The following LMTK3 variants were observed in gnomAD, a reference collection of about 807,000 sequenced individuals.
LMTK3 encodes lemur tail kinase 3.
LMTK3 carries 27 observed loss-of-function variants against 116.7 expected under a neutral mutation model. That is an observed-to-expected ratio of 0.23 (90% CI 0.17 to 0.32). The LOEUF is 0.32. Among genes scored for constraint, LMTK3 ranks in the 10% least tolerant of loss-of-function variants. LMTK3 has a pLI of 1.00. For synonymous variants in LMTK3, 965 were observed against 971.0 expected (o/e 0.99, Z 0.11); for missense variants, 1,764 against 2,068.5 (o/e 0.85, Z 2.86).
At chr19:48,493,560 G>A in intron 12 of LMTK3, 134 bp downstream of exon 12, 2 of 385,484 alleles carry the variant, frequency 5.2e-6, no homozygotes, top group Non-Finnish European at 6.5e-6. Context: ...TTCAGGCCCC[G>A]CCCCACTCCA....
At chr19:48,495,917 T>C (rs111568249) in intron 11 of LMTK3, among the ~76,000 whole-genome samples, 160 of 152,354 alleles carry the variant, frequency 1.1e-3, no homozygotes, top group Non-Finnish European at 1.5e-3. Flanking sequence ...TACCAAAACT[T>C]AATTTTCAGA....
Position 48,491,323 on chromosome 19 carries a change from C to A in LMTK3, c.4229-78G>T, listed in dbSNP as rs562353396. 2,597 of 1,340,438 alleles carry A rather than the reference C, an allele frequency of 1.9e-3. 55 individuals carry two copies. In the African/African-American group the frequency reaches 0.037, roughly 19 times the overall value. 83.0% of individuals were successfully genotyped at this position (1,340,438 alleles called of 1,614,324 possible). ...GCCCTCTGGTCCCGCCCCTCCCGAC[C>A]AAGCCCCTCCCACCCCATAGACCCC... On this transcript the variant is annotated intron_variant, in intron 13 of 14. Coordinates refer to ENST00000600059, the MANE Select transcript of LMTK3 (RefSeq NM_001388485.1). This position sits in a 1 kb window ranked among gnomAD's most constrained non-coding sequence, Gnocchi z 5.1.
chr19:48,493,823 G>C lies in LMTK3; in HGVS notation c.3963C>G (p.Asp1321Glu). The C allele has an allele frequency of 6.7e-7, 1 of 1,496,816 alleles. No homozygotes were observed. Among genetic ancestry groups the C allele is most frequent in the East Asian group, 2.9e-5 (1 of 34,976 alleles). The allele number at this position is 1,496,816 out of a possible 1,614,324, so 92.7% of individuals were successfully genotyped here. ...VPVVVSSADADAARPLRGLLK... is the reference protein window; with the variant it reads ...VPVVVSSADAEAARPLRGLLK... ...GCAGCCCCCGCAGCGGGCGGGCCGC[G>C]TCCGCGTCGGCGCTGCTCACCACGA... The change falls in exon 12 of 15, where the codon GAC becomes GAG. Residue 1321 changes from aspartate (D) to glutamate (E), a missense_variant. By Grantham distance (45) the Asp-to-Glu change is conservative. Transcript: ENST00000600059.
intron 5 of LMTK3, among the ~76,000 whole-genome samples, chr19:48,505,954 A>G (rs1237585098): frequency 6.6e-6 from 1 of 151,878 alleles, no homozygotes; most frequent in Non-Finnish European, 1.5e-5. Flanking sequence ...CAGCCTGGCC[A>G]ACATGGTGAA....
chr19:48,501,092 C>T lies in LMTK3; in HGVS notation c.1055G>A (p.Arg352His). Residue 352 changes from arginine (R) to histidine (H), a missense_variant, in exon 10 of 15, where the codon CGC (arginine) becomes CAC (histidine). Physicochemically the swap from Arg to His is conservative, Grantham distance 29. Transcript: ENST00000600059. ...GAGGACCTCCTCGTCTGACAGGTGGCGGTAGGGCTGGGCCCCAAACTCAAA... is the reference window on the plus strand; with the variant it reads ...GAGGACCTCCTCGTCTGACAGGTGGTGGTAGGGCTGGGCCCCAAACTCAAA... ...ELFEFGAQPY[R>H]HLSDEEVLAF... The T allele has an allele frequency of 3.1e-6, 5 of 1,591,626 alleles. No individual in the cohort carries two copies. Among genetic ancestry groups the T allele is most frequent in the Non-Finnish European group, 3.4e-6 (4 of 1,169,406 alleles).
chr19:48,492,795 C>A (rs1226879816), intron 12 of LMTK3, among the ~76,000 whole-genome samples: 2 of 152,066 alleles, frequency 1.3e-5, no homozygotes, highest in East Asian at 1.9e-4. Flanking sequence ...CCCAGTACCC[C>A]CTCTTTCCTT....
chr19:48,502,727 C>G (rs999389709), intron 6 of LMTK3, 146 bp from the exon 7 acceptor site: 2 of 1,072,154 alleles, frequency 1.9e-6, no homozygotes, highest in Non-Finnish European at 2.7e-6. Context: ...AATAACACAG[C>G]CCATCTTGCC....
At position 48,501,005 on chromosome 19, in the gene LMTK3, G is replaced by C; in HGVS notation, c.1142C>G (p.Ala381Gly). 2 of 1,522,076 alleles carry C rather than the reference G, an allele frequency of 1.3e-6. No individual in the cohort carries two copies. The highest frequency in any genetic ancestry group is 1.8e-6 in the Non-Finnish European group (2 of 1,137,570). The allele number at this position is 1,522,076 out of a possible 1,614,324, so 94.3% of individuals were successfully genotyped here. Residue 381 changes from alanine (A) to glycine (G), a missense_variant, in exon 10 of 15, where the codon GCG becomes GGG. Ala to Gly is a moderately conservative substitution (Grantham distance 60, BLOSUM62 0). Transcript: ENST00000600059. The stretch of plus-strand genomic sequence containing the variant: ...GTGGGCTAGCCCTCACCAGTAGTCC[G>C]CGTAAGGCAGCTTGAGCCTCGGCCG... The part of the protein sequence containing the change: ...LARPRLKLPY[A>G]DYWYDILQSC...
upstream of LMTK3, among the ~76,000 whole-genome samples, chr19:48,512,113 C>T (rs1319812381): frequency 2.6e-5 from 4 of 152,100 alleles, no homozygotes; most frequent in Non-Finnish European, 5.9e-5. Context: ...ATGCCACCAG[C>T]ATGGACACAT....
chr19:48,488,145 C>T (rs1972157847), intron 14 of LMTK3, among the ~76,000 whole-genome samples: 1 of 152,150 alleles, frequency 6.6e-6, no homozygotes, highest in African/African-American at 2.4e-5. Flanking sequence ...CCAGCCCTGC[C>T]AGCTCAGCCC....
At chr19:48,505,437 A>C (rs1217837808) in intron 5 of LMTK3, among the ~76,000 whole-genome samples, 2 of 152,022 alleles carry the variant, frequency 1.3e-5, no homozygotes, top group African/African-American at 2.4e-5. Flanking sequence ...TTTAAAATGC[A>C]TTTCTGGCTT....
At chr19:48,502,163 CT>C (rs890567396) in intron 7 of LMTK3, among the ~76,000 whole-genome samples, 3 of 142,912 alleles carry the variant, frequency 2.1e-5, no homozygotes, top group Admixed American at 7.0e-5. Flanking sequence ...TCCCCCTCCC[CT>C]GGTTCCTCCT....
upstream of LMTK3, among the ~76,000 whole-genome samples, chr19:48,512,375 CAAAGT>C (rs1972677742): frequency 6.6e-6 from 1 of 152,104 alleles, no homozygotes; most frequent in African/African-American, 2.4e-5. Flanking sequence ...ATGCCCCGGA[CAAAGT>C]AAAGCCCCAG....
In LMTK3 at chr19:48,508,829, C is replaced by T; in HGVS notation, c.557+22G>A. ...GAATGTCACCTCAACAAGGCACACA[C>T]CCACTGAGAAACCCTCAGTACCTGT... On this transcript the variant is annotated intron_variant, in intron 5 of 14. Transcript: ENST00000600059. The T allele has an allele frequency of 2.6e-6, 4 of 1,550,826 alleles. No homozygotes were observed. The South Asian group carries it at 4.5e-5, about 17-fold the overall frequency.
In LMTK3 at chr19:48,485,938, C is replaced by T. The variant is rs931821285; in HGVS notation, c.4367-149G>A. On this transcript the variant is annotated intron_variant, in intron 14 of 14. Coordinates refer to ENST00000600059, the MANE Select transcript of LMTK3 (RefSeq NM_001388485.1). ...CTCTCTGTCCTCACCTACCCCTCTT[C>T]TCCCCTCTGCTCCAGCCACTGGGCC... 6.8e-6 allele frequency: 5 copies of T among 738,336 alleles called. No homozygotes were observed. In the African/African-American group the frequency reaches 9.2e-5, roughly 14 times the overall value. The allele number at this position is 738,336 out of a possible 1,614,324, so 45.7% of individuals were successfully genotyped here.
In LMTK3 at chr19:48,498,055, T is replaced by G; in HGVS notation, c.3014A>C (p.Glu1005Ala). 3 of 1,612,948 alleles carry G rather than the reference T, an allele frequency of 1.9e-6. No individual in the cohort carries two copies. The highest frequency in any genetic ancestry group is 2.5e-6 in the Non-Finnish European group (3 of 1,179,760). Residue 1005 changes from glutamate to alanine, a missense_variant, in exon 11 of 15, where the codon GAG (glutamate) becomes GCG (alanine). By Grantham distance (107) the Glu-to-Ala change is moderately radical. Around this residue, in one of 7 missense-constraint regions of LMTK3, gnomAD observed 1,028 missense variants for 1,050.6 expected, o/e 0.98. Coordinates refer to ENST00000600059, the MANE Select transcript of LMTK3 (RefSeq NM_001388485.1). Reference sequence around the variant, plus strand: ...CCTGGGGAATCTCAGGCCCCCATTCTCTGACACCTTGTCCTCGCTCTTTGG... The same window carrying G: ...CCTGGGGAATCTCAGGCCCCCATTCGCTGACACCTTGTCCTCGCTCTTTGG... ...TPPKSEDKVSENGGLRFPRNT... is the reference protein window; with the variant it reads ...TPPKSEDKVSANGGLRFPRNT...
intron 14 of LMTK3, among the ~76,000 whole-genome samples, chr19:48,486,481 C>T (rs1028702252): frequency 3.9e-5 from 6 of 152,172 alleles, no homozygotes; most frequent in Admixed American, 6.6e-5. Context: ...ACTCATTTCC[C>T]TCTGACTGGT....
rs1222837161 is a variant in LMTK3 at position 48,498,101 on chromosome 19, C to G, written c.2968G>C (p.Val990Leu). 6.2e-7 allele frequency: 1 copy of G among 1,613,334 alleles called. No individual in the cohort carries two copies. Among genetic ancestry groups the G allele is most frequent in the Non-Finnish European group, 8.5e-7 (1 of 1,179,834 alleles). Residue 990 changes from valine (V) to leucine (L), a missense_variant, in exon 11 of 15, where the codon GTG (valine) becomes CTG (leucine). Transcript: ENST00000600059. ...RSPEAGEKVL[V>L]NGGLTPPKSE... is the part of the protein sequence containing the mutation. ...TTTGGGGGTGTCAGGCCCCCATTCACCAGCACCTTCTCCCCGGCCTCTGGG... is the reference window on the plus strand; with the variant it reads ...TTTGGGGGTGTCAGGCCCCCATTCAGCAGCACCTTCTCCCCGGCCTCTGGG...
chr19:48,513,408 G>T (rs1386504921), upstream of LMTK3: 8 of 571,820 alleles, frequency 1.4e-5, no homozygotes, highest in South Asian at 1.4e-4. This position sits in a 1 kb window ranked among gnomAD's most constrained non-coding sequence, Gnocchi z 5.6. Flanking sequence ...ACAAGCCGGG[G>T]AGTGGCAAAG....
Sources: gnomAD v4.1 joint callset for allele counts (sites outside exome capture counted in the v4.1 genomes callset) on GRCh38, gnomAD v4.1.1 for gene constraint, gnomAD v4.1.1 regional missense constraint, Gnocchi (gnomAD v3.1) non-coding constraint, MANE v1.5 for transcripts, NCBI Gene and HGNC (gene_info 2026-07-23, HGNC 2026-07-21) for gene names.